The following RIMS4 variants were observed in gnomAD, a reference collection of about 807,000 sequenced individuals.
RIMS4 encodes regulating synaptic membrane exocytosis 4.
Under a neutral mutation model 29.0 loss-of-function variants are expected in RIMS4, and 9 were observed. The observed-to-expected ratio is 0.31, with a 90% CI of 0.19 to 0.54. The LOEUF is 0.54. Among genes scored for constraint, RIMS4 ranks in the 20% least tolerant of loss-of-function variants. The probability of loss-of-function intolerance (pLI) is 0.94; values close to 1 mark genes in which losing one functional copy is unlikely to be tolerated. For missense variants in RIMS4, 193 were observed against 365.7 expected (o/e 0.53, Z 3.85); for synonymous variants, 130 against 152.9 (o/e 0.85, Z 1.10).
In RIMS4 at chr20:44,757,047, G is replaced by A. The variant is rs1297173221; in HGVS notation, c.452-10C>T. 6.2e-7 allele frequency: 1 copy of A among 1,612,564 alleles called. No individual in the cohort carries two copies. The highest frequency in any genetic ancestry group is 2.2e-5 in the East Asian group (1 of 44,838). Reference sequence around the variant, plus strand: ...GCCTTGATGTAGGCCGCTGGGGATAGAGGCCAGCAGGGGTGAGTTCTAGTT... The same window carrying A: ...GCCTTGATGTAGGCCGCTGGGGATAAAGGCCAGCAGGGGTGAGTTCTAGTT... On this transcript the variant is annotated splice_polypyrimidine_tract_variant and intron_variant, in intron 4 of 5. Transcript: ENST00000372851.
chr20:44,757,701 C>T lies in RIMS4; in HGVS notation c.420G>A (p.Leu140=). 1 of 1,614,160 alleles carries T rather than the reference C, an allele frequency of 6.2e-7. No individual in the cohort carries two copies. Among genetic ancestry groups the T allele is most frequent in the South Asian group, 1.1e-5 (1 of 91,088 alleles). The change falls in exon 4 of 6, where the codon CTG becomes CTA. Residue 140 remains leucine (L), a synonymous_variant. Transcript: ENST00000372851. ...GTGTCTTGGAGCCTGGCTTGGCTGTCAGTCCCCGAGCCTGGATAATGTCCA... is the reference window on the plus strand; with the variant it reads ...GTGTCTTGGAGCCTGGCTTGGCTGTTAGTCCCCGAGCCTGGATAATGTCCA... ...LEVDIIQARG[L]TAKPGSKTLP...
At chr20:44,770,761 A>G (rs80189234) in intron 2 of RIMS4, among the ~76,000 whole-genome samples, 64 of 152,342 alleles carry the variant, frequency 4.2e-4, no homozygotes, top group African/African-American at 1.5e-3. Flanking sequence ...ATAAAGCAGT[A>G]GTATACATTT....
At chr20:44,800,189 C>T (rs116847747) in intron 1 of RIMS4, among the ~76,000 whole-genome samples, 1,859 of 152,162 alleles carry the variant, frequency 0.012, 15 homozygotes, top group Non-Finnish European at 0.02. Flanking sequence ...GGATGGGCAC[C>T]ACCATAAGTG....
intron 2 of RIMS4, among the ~76,000 whole-genome samples, chr20:44,770,485 G>A (rs1282893590): frequency 6.6e-6 from 1 of 152,148 alleles, no homozygotes; most frequent in Non-Finnish European, 1.5e-5. Context: ...GGGAAACTGG[G>A]CCCAATGCTT....
At chr20:44,805,261 G>A (rs1227094768) in intron 1 of RIMS4, among the ~76,000 whole-genome samples, 1 of 152,038 alleles carries the variant, frequency 6.6e-6, no homozygotes, top group Non-Finnish European at 1.5e-5. Flanking sequence ...AGCTGAGATC[G>A]CACCACTGCA....
intron 2 of RIMS4, among the ~76,000 whole-genome samples, chr20:44,759,075 C>T (rs7274448): frequency 0.012 from 1,899 of 152,326 alleles, 37 homozygotes; most frequent in African/African-American, 0.042. Flanking sequence ...TCTTTCCCAT[C>T]TGTGAAATGG....
intron 1 of RIMS4, 54 bp downstream of exon 1, chr20:44,810,121 C>G: frequency 2.7e-6 from 3 of 1,110,476 alleles, no homozygotes; most frequent in Non-Finnish European, 2.5e-6. Flanking sequence ...AGGGGGCTAC[C>G]GGACCTGGAT....
At chr20:44,775,351 C>T (rs927072959) in intron 1 of RIMS4, among the ~76,000 whole-genome samples, 2 of 152,176 alleles carry the variant, frequency 1.3e-5, no homozygotes, top group Non-Finnish European at 1.5e-5. Context: ...CTTCCCACAG[C>T]CAGTACCTGG....
chr20:44,757,522 A>C, intron 4 of RIMS4, 148 bp downstream of exon 4: 3 of 659,996 alleles, frequency 4.5e-6, no homozygotes, highest in South Asian at 3.5e-5. Flanking sequence ...AACAAACCCT[A>C]AACTACCAAT....
In RIMS4 at chr20:44,778,295, G is replaced by A. The variant is rs545492697; in HGVS notation, c.98-6882C>T. ...AATAAGAGATGGTTTCATCTGGAGG[G>A]AACTTAGGGATCATCCAGATCAATG... On this transcript the variant is annotated intron_variant, in intron 1 of 5. Coordinates refer to ENST00000372851, the MANE Select transcript of RIMS4 (RefSeq NM_182970.4). Among the ~76,000 whole-genome samples the A allele has an allele frequency of 2.6e-5, 4 of 152,326 alleles. No homozygotes were observed. In the East Asian group the frequency reaches 5.8e-4, roughly 22 times the overall value.
intron 1 of RIMS4, among the ~76,000 whole-genome samples, chr20:44,794,313 T>A (rs1287565661): frequency 6.6e-6 from 1 of 152,102 alleles, no homozygotes; most frequent in Admixed American, 6.5e-5. Flanking sequence ...AGGAGTCGCA[T>A]CTGTAGGCCC....
At chr20:44,797,959 G>C (rs2066261967) in intron 1 of RIMS4, among the ~76,000 whole-genome samples, 1 of 152,238 alleles carries the variant, frequency 6.6e-6, no homozygotes, top group South Asian at 2.1e-4. Context: ...CAAACTGGCA[G>C]AAATGAGATC....
chr20:44,805,634 C>A (rs1650816715), intron 1 of RIMS4, among the ~76,000 whole-genome samples: 1 of 152,148 alleles, frequency 6.6e-6, no homozygotes, highest in Non-Finnish European at 1.5e-5. Flanking sequence ...CCTTCTAGGG[C>A]TGAAGGATTC....
rs1023544339 is a variant in RIMS4 at position 44,756,793 on chromosome 20, G to C, written c.591+105C>G. 8.7e-7 allele frequency: 1 copy of C among 1,144,714 alleles called. No individual in the cohort carries two copies. The highest frequency in any genetic ancestry group is 1.6e-5 in the African/African-American group (1 of 64,472). The allele number at this position is 1,144,714 out of a possible 1,614,324, so 70.9% of individuals were successfully genotyped here. A position where few individuals can be genotyped will look rare whatever the true frequency, so the allele number is the denominator to read the frequency against. ...GGCCTCGCCTGTTTCCTCCAGGCGA[G>C]GCCCTCCAGAGACACCCCCCGCCAG... On this transcript the variant is annotated intron_variant, in intron 5 of 5. Transcript: ENST00000372851. The surrounding 1 kb of genome is among the most constrained non-coding windows in gnomAD (Gnocchi z 5.9).
At chr20:44,769,930 T>C (rs2066129495) in intron 2 of RIMS4, among the ~76,000 whole-genome samples, 1 of 152,238 alleles carries the variant, frequency 6.6e-6, no homozygotes, top group East Asian at 1.9e-4. Flanking sequence ...ACGAATTTTC[T>C]ATGATGATGG....
intron 1 of RIMS4, among the ~76,000 whole-genome samples, chr20:44,794,583 A>G (rs1289863179): frequency 6.6e-6 from 1 of 152,252 alleles, no homozygotes; most frequent in Non-Finnish European, 1.5e-5. Context: ...ACTGCTGGAA[A>G]GTATTAGAAT....
At position 44,810,166 on chromosome 20, in the gene RIMS4, C is replaced by T; in HGVS notation, c.97+9G>A. On this transcript the variant is annotated intron_variant, in intron 1 of 5. Transcript: ENST00000372851. ...CCCCGGGGGTCTGGGGGGCGGGCCGCGCGCTTACCTGCGTCCTCGTCGTCG... is the reference window on the plus strand; with the variant it reads ...CCCCGGGGGTCTGGGGGGCGGGCCGTGCGCTTACCTGCGTCCTCGTCGTCG... 1 of 1,571,984 alleles carries T rather than the reference C, an allele frequency of 6.4e-7. No individual in the cohort carries two copies. The highest frequency in any genetic ancestry group is 8.7e-7 in the Non-Finnish European group (1 of 1,153,998).
chr20:44,771,361 C>T lies in RIMS4; in HGVS notation c.150G>A (p.Leu50=). The change falls in exon 2 of 6, where the codon CTG becomes CTA. Residue 50 remains leucine (L), a synonymous_variant. Coordinates refer to ENST00000372851, the MANE Select transcript of RIMS4 (RefSeq NM_182970.4). ...GTGTCCGGCTGGGCATCTCCACTGC[C>T]AGGCCCGTCTCCGTGCTCCTCTGGA... The part of the protein sequence containing the change: ...GAIQRSTETG[L]AVEMPSRTLR... The T allele has an allele frequency of 6.2e-7, 1 of 1,613,956 alleles. No individual in the cohort carries two copies. Among genetic ancestry groups the T allele is most frequent in the Non-Finnish European group, 8.5e-7 (1 of 1,179,952 alleles).
intron 1 of RIMS4, among the ~76,000 whole-genome samples, chr20:44,777,914 G>A (rs141145154): frequency 1.3e-5 from 2 of 152,286 alleles, no homozygotes; most frequent in East Asian, 1.9e-4. Flanking sequence ...ACCAGGATGC[G>A]AAAGGCACCA....
Sources: allele counts gnomAD v4.1 joint callset (sites outside exome capture counted in the v4.1 genomes callset), GRCh38; gene constraint gnomAD v4.1.1; non-coding constraint Gnocchi (gnomAD v3.1); transcripts MANE v1.5; gene names NCBI Gene and HGNC (gene_info 2026-07-23, HGNC 2026-07-21).